NPAS3: variants seen among roughly 807,000 people sequenced by gnomAD.
NPAS3 encodes the protein neuronal PAS domain-containing protein 3.
NPAS3 carries 14 observed loss-of-function variants against 73.1 expected under a neutral mutation model. That is an observed-to-expected ratio of 0.19 (90% CI 0.13 to 0.30). The LOEUF (loss-of-function observed/expected upper bound fraction) is 0.30, where lower values mean the gene tolerates loss of function less well. NPAS3 is among the 10% of genes least tolerant of loss of function. NPAS3 has a pLI of 1.00. For synonymous variants in NPAS3, 620 were observed against 541.5 expected (o/e 1.14, Z -2.01); for missense variants, 1,096 against 1,250.0 (o/e 0.88, Z 1.86).
intron 7 of NPAS3, among the ~76,000 whole-genome samples, chr14:33,738,558 T>A (rs2061580002): frequency 6.6e-6 from 1 of 152,130 alleles, no homozygotes; most frequent in African/African-American, 2.4e-5. Context: ...CACCAAGAAT[T>A]CTAGCCAAGG....
chr14:32,951,911 G>C (rs2139147511), intron 1 of NPAS3, among the ~76,000 whole-genome samples: 1 of 152,114 alleles, frequency 6.6e-6, no homozygotes, highest in South Asian at 2.1e-4. Context: ...AGTGCAGACA[G>C]ATTTGAAGAT....
chr14:33,589,852 T>C (rs1031481859), intron 5 of NPAS3, among the ~76,000 whole-genome samples: 8 of 152,184 alleles, frequency 5.3e-5, no homozygotes, highest in Non-Finnish European at 7.3e-5. Flanking sequence ...GTTGAGGAAG[T>C]TTTGCCATGA....
At chr14:33,588,126 C>A (rs555317570) in intron 5 of NPAS3, among the ~76,000 whole-genome samples, 4 of 152,130 alleles carry the variant, frequency 2.6e-5, no homozygotes, top group Non-Finnish European at 5.9e-5. Flanking sequence ...ATATAAGGCA[C>A]GTTTTTCTAA....
chr14:33,729,071 G>A (rs1212675292), intron 6 of NPAS3, among the ~76,000 whole-genome samples: 1 of 152,136 alleles, frequency 6.6e-6, no homozygotes, highest in Non-Finnish European at 1.5e-5. Context: ...AGGAAAGAGA[G>A]ACAACAAAAA....
intron 1 of NPAS3, among the ~76,000 whole-genome samples, chr14:32,984,880 C>T (rs2139425391): frequency 6.6e-6 from 1 of 152,300 alleles, no homozygotes; most frequent in African/African-American, 2.4e-5. Context: ...TCTACAGCTC[C>T]AGTGTAGTCA....
At chr14:33,784,745 A>ATTTAT (rs1471526546) in intron 9 of NPAS3, among the ~76,000 whole-genome samples, 3 of 73,858 alleles carry the variant, frequency 4.1e-5, no homozygotes, top group Admixed American at 1.5e-4. Context: ...TTATTTATTT[A>ATTTAT]TTTTTTTTTT....
At chr14:33,205,713 G>C (rs2046796658) in intron 2 of NPAS3, among the ~76,000 whole-genome samples, 1 of 152,098 alleles carries the variant, frequency 6.6e-6, no homozygotes, top group Admixed American at 6.6e-5. Context: ...TGTGTTCCTT[G>C]GTGTCAAGTA....
chr14:33,214,478 C>T (rs1374809894), intron 2 of NPAS3: 1 of 152,144 alleles, frequency 6.6e-6, no homozygotes, highest in Non-Finnish European at 1.5e-5. Context: ...CTTCTTTGGG[C>T]AATATATTTT....
At position 33,801,011 on chromosome 14, in the gene NPAS3, G is replaced by A. The variant is rs762782239; in HGVS notation, c.2704G>A (p.Val902Met). The stretch of plus-strand genomic sequence containing the variant: ...CCTGACGCAGATGCCCGCCGGCAAC[G>A]TGTTCACCACGGCCGAGGGACTCTT... The change falls in exon 12 of 12, where the codon GTG becomes ATG. Residue 902 changes from valine (V) to methionine (M), a missense_variant. By Grantham distance (21) the Val-to-Met change is conservative. Coordinates refer to ENST00000356141, the Ensembl canonical transcript of NPAS3. The A allele has an allele frequency of 1.7e-5, 27 of 1,589,956 alleles. No individual in the cohort carries two copies. Among genetic ancestry groups the A allele is most frequent in the Non-Finnish European group, 2.2e-5 (26 of 1,169,016 alleles).
chr14:33,536,079 G>T (rs1193837973), intron 4 of NPAS3, among the ~76,000 whole-genome samples: 1 of 152,126 alleles, frequency 6.6e-6, no homozygotes, highest in South Asian at 2.1e-4. Context: ...ACCCCTACTA[G>T]TGCTAATAAG....
At chr14:33,121,524 C>T (rs1390620385) in intron 2 of NPAS3, among the ~76,000 whole-genome samples, 1 of 152,150 alleles carries the variant, frequency 6.6e-6, no homozygotes, top group Non-Finnish European at 1.5e-5. Context: ...TAGCCTATAG[C>T]AGGTGCTTAT....
intron 3 of NPAS3, among the ~76,000 whole-genome samples, chr14:33,302,807 T>G (rs1245431739): frequency 2.0e-5 from 3 of 152,190 alleles, no homozygotes; most frequent in Admixed American, 2.0e-4. Flanking sequence ...GCTTTCACTC[T>G]TTTGTTTCCC....
intron 4 of NPAS3, among the ~76,000 whole-genome samples, chr14:33,376,536 T>A (rs1034943091): frequency 6.6e-6 from 1 of 152,190 alleles, no homozygotes; most frequent in Non-Finnish European, 1.5e-5. Flanking sequence ...AGGAAATACC[T>A]GGTAAATAAA....
intron 4 of NPAS3, among the ~76,000 whole-genome samples, chr14:33,558,538 G>A (rs142956502): frequency 1.3e-5 from 2 of 152,086 alleles, no homozygotes; most frequent in Non-Finnish European, 2.9e-5. Flanking sequence ...AGGATTACAG[G>A]CATGAGCCAC....
intron 1 of NPAS3, among the ~76,000 whole-genome samples, chr14:33,035,872 C>G (rs565322865): frequency 6.6e-6 from 1 of 152,148 alleles, no homozygotes; most frequent in East Asian, 1.9e-4. Flanking sequence ...TTGGTCATTT[C>G]CTAGTGGATG....
At chr14:33,335,874 G>T (rs993140362) in intron 3 of NPAS3, among the ~76,000 whole-genome samples, 2 of 152,124 alleles carry the variant, frequency 1.3e-5, no homozygotes, top group African/African-American at 4.8e-5. Context: ...TCTGTTTTGG[G>T]TTATTTTGAA....
At chr14:33,085,613 C>A (rs556819347) in intron 2 of NPAS3, among the ~76,000 whole-genome samples, 1 of 152,170 alleles carries the variant, frequency 6.6e-6, no homozygotes, top group South Asian at 2.1e-4. Flanking sequence ...GCTGAGCCCC[C>A]CCAACACACT....
At chr14:32,966,084 A>G (rs2037145437) in intron 1 of NPAS3, among the ~76,000 whole-genome samples, 1 of 152,194 alleles carries the variant, frequency 6.6e-6, no homozygotes, top group African/African-American at 2.4e-5. Flanking sequence ...TCTCATGTTA[A>G]TGGATTGGAA....
chr14:33,012,217 T>C (rs2039229336), intron 1 of NPAS3, among the ~76,000 whole-genome samples: 2 of 152,230 alleles, frequency 1.3e-5, no homozygotes, highest in South Asian at 4.1e-4. Flanking sequence ...TTTATCACAC[T>C]TGTTACAGGT....
Sources: allele counts gnomAD v4.1 joint callset (sites outside exome capture counted in the v4.1 genomes callset), GRCh38; gene constraint gnomAD v4.1.1; transcripts MANE v1.5; gene names NCBI Gene and HGNC (gene_info 2026-07-23, HGNC 2026-07-21).